OBSL1: variants seen among roughly 807,000 people sequenced by gnomAD.
OBSL1 encodes obscurin-like protein 1.
A neutral mutation model predicts 172.0 loss-of-function variants in OBSL1; 160 were observed. That is an observed-to-expected ratio of 0.93 (90% CI 0.82 to 1.06). The LOEUF is 1.06. Ranked by LOEUF, OBSL1 falls within the 50% of genes least tolerant of loss-of-function variation. OBSL1 has a pLI of 0.00. For missense variants in OBSL1, 2,681 were observed against 2,715.4 expected (o/e 0.99, Z 0.28); for synonymous variants, 1,200 against 1,196.3 (o/e 1.00, Z -0.06).
At chr2:219,556,341 CCCCTTGCT>C in intron 13 of OBSL1, 49 bp from the exon 14 acceptor site, 1 of 1,568,562 alleles carries the variant, frequency 6.4e-7, no homozygotes, top group South Asian at 1.2e-5. Flanking sequence ...TGGAGGCTGG[CCCCTTGCT>C]CCATCCCACT....
rs1269233035 is a variant in OBSL1, at chr2:219,568,388, A to G, written c.1013-64T>C. 1 of 1,461,648 alleles carries G rather than the reference A, an allele frequency of 6.8e-7. No homozygotes were observed. The highest frequency in any genetic ancestry group is 1.4e-5 in the African/African-American group (1 of 71,594). The allele number at this position is 1,461,648 out of a possible 1,614,324, so 90.5% of individuals were successfully genotyped here. A position where few individuals can be genotyped will look rare whatever the true frequency, so the allele number is the denominator to read the frequency against. On this transcript the variant is annotated intron_variant, in intron 1 of 20. Coordinates refer to ENST00000404537, the MANE Select transcript of OBSL1 (RefSeq NM_015311.3). The surrounding 1 kb of genome is among the most constrained non-coding windows in gnomAD (Gnocchi z 4.1). ...AGAAGGCCCAGACTAGGAGTAGGATACCTAGAAGCGCATTAGCTCATGCTG... is the reference window on the plus strand; with the variant it reads ...AGAAGGCCCAGACTAGGAGTAGGATGCCTAGAAGCGCATTAGCTCATGCTG...
downstream of OBSL1, chr2:219,549,172 C>T (rs769668797): frequency 1.2e-6 from 2 of 1,613,954 alleles, no homozygotes; most frequent in Admixed American, 1.7e-5. Context: ...CCGGCAGCGC[C>T]GACGCGTGCA....
At position 219,571,178 on chromosome 2, in the gene OBSL1, G is replaced by A. The variant is rs2106120081; in HGVS notation, c.55C>T (p.Arg19Trp). 2.0e-6 allele frequency: 3 copies of A among 1,478,852 alleles called. No individual in the cohort carries two copies. Among genetic ancestry groups the A allele is most frequent in the Middle Eastern group, 1.8e-4 (1 of 5,540 alleles). The allele number at this position is 1,478,852 out of a possible 1,614,324, so 91.6% of individuals were successfully genotyped here. ...GSPPCFLRFP[R>W]PVRVVSGAEA... ...GCGCCACTTACCACCCGCACAGGCC[G>A]CGGGAAGCGCAGGAAGCACGGGGGG... Residue 19 changes from arginine (R) to tryptophan (W), a missense_variant, in exon 1 of 21, where the codon CGG (arginine) becomes TGG (tryptophan). Physicochemically the swap from Arg to Trp is moderately radical, Grantham distance 101 (BLOSUM62 -3). This residue lies in a region of OBSL1 where 90 missense variants were observed against 76.6 expected (regional missense o/e 1.18). Coordinates refer to ENST00000404537, the MANE Select transcript of OBSL1 (RefSeq NM_015311.3).
chr2:219,555,485 G>T, intron 14 of OBSL1: 2 of 237,214 alleles, frequency 8.4e-6, no homozygotes, highest in South Asian at 1.5e-4. Context: ...TTGCTATGTT[G>T]CCCAGGATGG....
chr2:219,554,331 A>C, intron 15 of OBSL1, 143 bp downstream of exon 15: 1 of 1,026,198 alleles, frequency 9.7e-7, no homozygotes. Context: ...CAGGGGGATC[A>C]CACTCTGGCA....
In OBSL1 at chr2:219,557,517, C is replaced by T. The variant is rs780760199; in HGVS notation, c.3892G>A (p.Gly1298Ser). Residue 1298 changes from glycine (G) to serine (S), a missense_variant, in exon 12 of 21, where the codon GGC (glycine) becomes AGC (serine). Physicochemically the swap from Gly to Ser is moderately conservative, Grantham distance 56. Coordinates refer to ENST00000404537, the MANE Select transcript of OBSL1 (RefSeq NM_015311.3). ...ELVVHLSGPG[G>S]PVRWYKDGER... ...CCGTCCTTGTACCAGCGTACAGGGC[C>T]CCCTGGCCCGGAGAGGTGCACCACC... The T allele has an allele frequency of 4.4e-5, 69 of 1,552,720 alleles. No individual in the cohort carries two copies. The South Asian group carries it at 7.6e-4, about 17-fold the overall frequency.
rs755526871 is a variant in OBSL1 at position 219,551,712 on chromosome 2, G to A, written c.5500C>T (p.Arg1834Cys). The change falls in exon 20 of 21, where the codon CGC (arginine) becomes TGC (cysteine). Residue 1834 changes from arginine (R) to cysteine (C), a missense_variant. Arg to Cys is a radical substitution (Grantham distance 180). This residue lies in a region of OBSL1 where 1,765 missense variants were observed against 1,748.3 expected (regional missense o/e 1.01). Transcript: ENST00000404537. ...AGCCAGCACACGTGGCCCCCCGAGC[G>A]GGACACAGTCACCTCCAGCACCGCC... ...RRAVLEVTVS[R>C]SGGHVCWLRE... 4 of 1,610,286 alleles carry A rather than the reference G, an allele frequency of 2.5e-6. 1 individual carries two copies. The South Asian group carries it at 3.3e-5, about 13-fold the overall frequency.
At chr2:219,550,921 C>A in intron 20 of OBSL1, 79 bp from the exon 21 acceptor site, 1 of 1,573,992 alleles carries the variant, frequency 6.4e-7, no homozygotes. Context: ...GCCTGGACAC[C>A]AGTACACAAA....
In OBSL1 at chr2:219,571,273, C is replaced by CGGGGGGGGGGGGGGGGGG; in HGVS notation, c.-42_-41insCCCCCCCCCCCCCCCCCC. On this transcript the variant is annotated 5_prime_UTR_variant, in exon 1 of 21. Transcript: ENST00000404537. ...CCTGCAGCGGCGAACGGTGGGGGGG[C>CGGGGGGGGGGGGGGGGGG]AGGGGGGGGTGCGGAGGGCGAGCCG... 1.2e-6 allele frequency: 1 copy of CGGGGGGGGGGGGGGGGGG among 861,604 alleles called. No individual in the cohort carries two copies. The highest frequency in any genetic ancestry group is 1.5e-6 in the Non-Finnish European group (1 of 657,188). 53.4% of individuals were successfully genotyped at this position (861,604 alleles called of 1,614,324 possible). A position where few individuals can be genotyped will look rare whatever the true frequency, so the allele number is the denominator to read the frequency against.
At position 219,554,695 on chromosome 2, in the gene OBSL1, C is replaced by G. The variant is rs1156359649; in HGVS notation, c.4655G>C (p.Ser1552Thr). 13 of 1,582,488 alleles carry G rather than the reference C, an allele frequency of 8.2e-6. No individual in the cohort carries two copies. In the East Asian group the frequency reaches 3.0e-4, roughly 37 times the overall value. The change falls in exon 15 of 21, where the codon AGT (serine) becomes ACT (threonine). Residue 1552 changes from serine to threonine, a missense_variant. By Grantham distance (58) the Ser-to-Thr change is moderately conservative. Transcript: ENST00000404537. ...CTGGAAGGTGGCACTGCCCCCCTCA[C>G]TGATGGTCACGTCCTCCAGAGGCCG... Reference protein sequence around the residue: ...VLRPLEDVTISEGGSATFQLE... With the variant: ...VLRPLEDVTITEGGSATFQLE...
At chr2:219,554,253 G>A (rs1695839545) in intron 15 of OBSL1, 2 of 602,014 alleles carry the variant, frequency 3.3e-6, no homozygotes, top group Admixed American at 5.9e-5. Flanking sequence ...TCAGTGGTTG[G>A]CTGAGCCTTG....
downstream of OBSL1, chr2:219,549,977 G>A (rs1016654887): frequency 4.6e-6 from 6 of 1,297,594 alleles, no homozygotes; most frequent in African/African-American, 8.9e-5. Context: ...GGCTGGCCTG[G>A]TCACTAGAAG....
At position 219,570,504 on chromosome 2, in the gene OBSL1, C is replaced by A. The variant is rs200417841; in HGVS notation, c.729G>T (p.Pro243=). The A allele has an allele frequency of 6.2e-7, 1 of 1,611,368 alleles. No individual in the cohort carries two copies. The highest frequency in any genetic ancestry group is 1.1e-5 in the South Asian group (1 of 90,978). ...PPADPDEAPA[P]VVEPLKCAPK... is the part of the protein sequence containing the mutation. ...GCGCGCACTTGAGCGGCTCCACCAC[C>A]GGCGCGGGGGCCTCGTCGGGGTCCG... is the stretch of plus-strand genomic sequence containing the variant. The change falls in exon 1 of 21, where the codon CCG becomes CCT. Residue 243 remains proline, a synonymous_variant. Transcript: ENST00000404537.
intron 8 of OBSL1, among the ~76,000 whole-genome samples, chr2:219,560,949 G>A (rs1025882271): frequency 4.6e-5 from 7 of 152,204 alleles, no homozygotes; most frequent in Admixed American, 2.0e-4. Flanking sequence ...GAGCAGAGGT[G>A]GTGTTTGTGT....
downstream of OBSL1, chr2:219,549,060 G>C (rs771650454): frequency 1.4e-6 from 2 of 1,431,074 alleles, 1 homozygote; most frequent in South Asian, 2.4e-5. Context: ...GAATCTGGAA[G>C]CCTAGAGCCA....
At chr2:219,562,766 C>T in intron 7 of OBSL1, 92 bp from the exon 8 acceptor site, 1 of 1,398,026 alleles carries the variant, frequency 7.2e-7, no homozygotes. Flanking sequence ...GGAAAGTAGG[C>T]CATGTGTTGA....
chr2:219,570,333 G>A lies in OBSL1; in HGVS notation c.900C>T (p.Gly300=), dbSNP rs1437418323. 6.2e-7 allele frequency: 1 copy of A among 1,612,234 alleles called. No homozygotes were observed. The change falls in exon 1 of 21, where the codon GGC becomes GGT. Residue 300 remains glycine (G), a synonymous_variant. Coordinates refer to ENST00000404537, the MANE Select transcript of OBSL1 (RefSeq NM_015311.3). ...AGTAAAGCACCTTGAGCACGAAGCC[G>A]CCGTCGCGGTCGCGGTACATGAGGC... ...RRRLMYRDRD[G]GFVLKVLYCQ... is the part of the protein sequence containing the mutation.
intron 12 of OBSL1, 22 bp downstream of exon 12, chr2:219,557,321 G>T: frequency 1.4e-6 from 2 of 1,463,114 alleles, no homozygotes; most frequent in Non-Finnish European, 1.8e-6. Flanking sequence ...CAGCCCACAG[G>T]GTGTGAGGGG....
At chr2:219,552,750 C>T in intron 17 of OBSL1, 53 bp from the exon 18 acceptor site, 2 of 1,512,574 alleles carry the variant, frequency 1.3e-6, no homozygotes, top group Non-Finnish European at 1.8e-6. Flanking sequence ...AGTTACCGGT[C>T]ACGCCCCCTC....
Sources: allele counts gnomAD v4.1 joint callset (sites outside exome capture counted in the v4.1 genomes callset), GRCh38; gene constraint gnomAD v4.1.1; regional missense constraint gnomAD v4.1.1; non-coding constraint Gnocchi (gnomAD v3.1); transcripts MANE v1.5; gene names NCBI Gene and HGNC (gene_info 2026-07-23, HGNC 2026-07-21).